The following DAB1 variants were observed in gnomAD, a reference collection of about 807,000 sequenced individuals.
The protein encoded by DAB1 is DAB adaptor protein 1, also known as disabled homolog 1.
A neutral mutation model predicts 64.6 loss-of-function variants in DAB1; 15 were observed. The ratio of observed to expected loss-of-function variants is 0.23; its 90% CI spans 0.16 to 0.36. The LOEUF is 0.36. Among genes scored for constraint, DAB1 ranks in the 10% least tolerant of loss-of-function variants. The pLI is 1.00. For missense variants in DAB1, 596 were observed against 706.7 expected (o/e 0.84, Z 1.78); for synonymous variants, 235 against 251.9 (o/e 0.93, Z 0.64).
Position 58,108,697 on chromosome 1 carries a change from T to C in DAB1, n.387+41814A>G, listed in dbSNP as rs187084682. ...TCCAAAGCAAATGACATTTTTATTC[T>C]GGGGAATGGCTTCAATTAATTAAAA... On this transcript the variant is annotated intron_variant and non_coding_transcript_variant, in intron 5 of 20. Coordinates refer to the DAB1 transcript ENST00000485760. Among the ~76,000 whole-genome samples, 4 of 152,316 alleles carry C rather than the reference T, an allele frequency of 2.6e-5. No homozygotes were observed. In the East Asian group the frequency reaches 7.7e-4, roughly 29 times the overall value.
chr1:57,893,832 A>G (rs972591323), intron 5 of DAB1, among the ~76,000 whole-genome samples: 2 of 152,182 alleles, frequency 1.3e-5, no homozygotes, highest in African/African-American at 2.4e-5. Flanking sequence ...ATAGATAGGA[A>G]AAACCTGAAA....
At chr1:57,969,331 A>C (rs1645741646) in intron 5 of DAB1, among the ~76,000 whole-genome samples, 1 of 151,986 alleles carries the variant, frequency 6.6e-6, no homozygotes, top group Non-Finnish European at 1.5e-5. Context: ...ATGTTTTTAA[A>C]ATTTACTTTT....
intron 3 of DAB1, among the ~76,000 whole-genome samples, chr1:58,490,104 C>A (rs187533684): frequency 6.6e-6 from 1 of 152,160 alleles, no homozygotes; most frequent in Non-Finnish European, 1.5e-5. Context: ...ATGACTTTGA[C>A]GAGTTGAGAG....
intron 5 of DAB1, among the ~76,000 whole-genome samples, chr1:58,050,418 T>C (rs1325974462): frequency 1.3e-5 from 2 of 152,164 alleles, no homozygotes; most frequent in Admixed American, 6.5e-5. Flanking sequence ...TGAAATATGA[T>C]GGGATTTTGG....
intron 7 of DAB1, among the ~76,000 whole-genome samples, chr1:57,639,974 C>T (rs1646108372): frequency 6.6e-6 from 1 of 152,156 alleles, no homozygotes; most frequent in Non-Finnish European, 1.5e-5. Flanking sequence ...GCTTTAGAGG[C>T]ATGGGCTTTC....
At chr1:58,168,630 T>C (rs557812205) in intron 4 of DAB1, among the ~76,000 whole-genome samples, 1 of 152,244 alleles carries the variant, frequency 6.6e-6, no homozygotes, top group South Asian at 2.1e-4. Flanking sequence ...TAGGGGAGAC[T>C]ACCTGGAATT....
chr1:57,270,154 T>C (rs1271590295), intron 2 of DAB1, among the ~76,000 whole-genome samples: 1 of 152,156 alleles, frequency 6.6e-6, no homozygotes, highest in Non-Finnish European at 1.5e-5. Context: ...TGCACGCCAC[T>C]CTGAGAGATG....
At chr1:57,372,524 A>G (rs1420645413) in intron 1 of DAB1, among the ~76,000 whole-genome samples, 1 of 152,206 alleles carries the variant, frequency 6.6e-6, no homozygotes, top group Non-Finnish European at 1.5e-5. Context: ...CCCAACTCAT[A>G]TTTATAATAT....
intron 7 of DAB1, among the ~76,000 whole-genome samples, chr1:57,518,102 C>A (rs796232738): frequency 7.2e-5 from 11 of 152,320 alleles, no homozygotes; most frequent in African/African-American, 2.6e-4. Flanking sequence ...CCAAACAGAA[C>A]TAGATTGCTT....
intron 4 of DAB1, among the ~76,000 whole-genome samples, chr1:58,289,402 C>A (rs1661763656): frequency 2.0e-5 from 3 of 152,118 alleles, no homozygotes; most frequent in Admixed American, 2.0e-4. Context: ...AGGAATGGAA[C>A]CTCAATGTTT....
At chr1:58,015,587 G>A (rs1005069309) in intron 5 of DAB1, among the ~76,000 whole-genome samples, 1 of 152,158 alleles carries the variant, frequency 6.6e-6, no homozygotes, top group Admixed American at 6.5e-5. Flanking sequence ...TCTCCATGGA[G>A]AATGTGTTGG....
intron 3 of DAB1, among the ~76,000 whole-genome samples, chr1:58,484,460 G>C (rs191097677): frequency 1.3e-3 from 196 of 152,232 alleles, no homozygotes; most frequent in African/African-American, 4.5e-3. Context: ...GCATACTTGA[G>C]TTATTCACAG....
At chr1:57,555,424 A>C (rs1644977215) in intron 7 of DAB1, among the ~76,000 whole-genome samples, 1 of 148,334 alleles carries the variant, frequency 6.7e-6, no homozygotes, top group African/African-American at 2.5e-5. Context: ...AAGAGCAAAT[A>C]ATAGAGCAGT....
intron 4 of DAB1, among the ~76,000 whole-genome samples, chr1:58,320,779 C>G (rs1024295843): frequency 6.6e-6 from 1 of 152,102 alleles, no homozygotes; most frequent in Non-Finnish European, 1.5e-5. Context: ...GTTTTCTTTG[C>G]TTGTTGCTGT....
rs141314006 is a variant in DAB1, at chr1:57,794,886, G to A, written n.551+89113C>T. On this transcript the variant is annotated intron_variant and non_coding_transcript_variant, in intron 6 of 20. Coordinates refer to the DAB1 transcript ENST00000485760. ...CCATGGCTATAGATATCTGACTTAC[G>A]GCAAGAGTGCTCAAGCAGGAATCAA... 1.7e-4 allele frequency among the ~76,000 whole-genome samples: 26 copies of A among 152,214 alleles called. 1 individual carries two copies. The East Asian group carries it at 4.1e-3, about 24-fold the overall frequency.
chr1:57,657,958 C>A lies in DAB1; in HGVS notation n.552-8293G>T, dbSNP rs1646337836. On this transcript the variant is annotated intron_variant and non_coding_transcript_variant, in intron 6 of 20. Transcript: ENST00000485760. The stretch of plus-strand genomic sequence containing the variant: ...AGATTGATTCATTTACCAAGTCATC[C>A]ATCCATCCTTCCTTTTCTTCAACAA... 3.3e-5 allele frequency among the ~76,000 whole-genome samples: 5 copies of A among 152,174 alleles called. No individual in the cohort carries two copies. The South Asian group carries it at 1.0e-3, about 32-fold the overall frequency.
At chr1:58,368,634 A>T (rs1644237332) in intron 3 of DAB1, among the ~76,000 whole-genome samples, 1 of 152,202 alleles carries the variant, frequency 6.6e-6, no homozygotes, top group South Asian at 2.1e-4. Context: ...AAGATGCAGT[A>T]AACCTGGGCA....
chr1:58,466,285 C>G (rs1645295270), intron 3 of DAB1, among the ~76,000 whole-genome samples: 1 of 152,278 alleles, frequency 6.6e-6, no homozygotes, highest in East Asian at 1.9e-4. Context: ...TCCCTCCCTC[C>G]CCTCCCTTGC....
At chr1:57,610,782 C>G (rs1416162888) in intron 7 of DAB1, among the ~76,000 whole-genome samples, 3 of 152,170 alleles carry the variant, frequency 2.0e-5, no homozygotes, top group Non-Finnish European at 4.4e-5. Context: ...AGGGAAACCA[C>G]CCCCATGATC....
Sources: gnomAD v4.1 joint callset for allele counts (sites outside exome capture counted in the v4.1 genomes callset) on GRCh38, gnomAD v4.1.1 for gene constraint, MANE v1.5 for transcripts, NCBI Gene and HGNC (gene_info 2026-07-23, HGNC 2026-07-21) for gene names.